The following BMPR2 variants were observed in gnomAD, a reference collection of about 807,000 sequenced individuals.
BMPR2 encodes bone morphogenetic protein receptor type 2.
BMPR2 carries 29 observed loss-of-function variants against 100.8 expected under a neutral mutation model. That is an observed-to-expected ratio of 0.29 (90% confidence interval 0.21 to 0.39). The LOEUF (loss-of-function observed/expected upper bound fraction) is 0.39, where lower values mean the gene tolerates loss of function less well. Among genes scored for constraint, BMPR2 ranks in the 10% least tolerant of loss-of-function variants. The probability of loss-of-function intolerance (pLI) is 1.00; values close to 1 mark genes in which losing one functional copy is unlikely to be tolerated. For synonymous variants in BMPR2, 382 were observed against 442.3 expected (o/e 0.86, Z 1.71); for missense variants, 1,011 against 1,274.5 (o/e 0.79, Z 3.15).
At chr2:202,411,539 G>T (rs2105917299) in intron 1 of BMPR2, among the ~76,000 whole-genome samples, 1 of 152,296 alleles carries the variant, frequency 6.6e-6, no homozygotes, top group East Asian at 1.9e-4. Flanking sequence ...TGGCCTGTTT[G>T]TTGGAAAACT....
At chr2:202,400,308 A>ATTT (rs35517349) in intron 1 of BMPR2, among the ~76,000 whole-genome samples, 2 of 130,552 alleles carry the variant, frequency 1.5e-5, no homozygotes, top group Admixed American at 1.6e-4. Context: ...TGCCAAGCTA[A>ATTT]TTTTTTTTTT....
At chr2:202,386,743 C>G (rs543767439) in intron 1 of BMPR2, among the ~76,000 whole-genome samples, 1 of 151,742 alleles carries the variant, frequency 6.6e-6, no homozygotes, top group East Asian at 1.9e-4. Flanking sequence ...TACAGTGGCG[C>G]GATCTCGGCT....
At chr2:202,519,188 T>A in intron 6 of BMPR2, 136 bp downstream of exon 6, 1 of 866,622 alleles carries the variant, frequency 1.2e-6, no homozygotes, top group East Asian at 2.6e-5. Flanking sequence ...ATGGCAAAAC[T>A]CCCGTCTCTA....
chr2:202,412,379 C>T (rs532809099), intron 1 of BMPR2, among the ~76,000 whole-genome samples: 8 of 152,236 alleles, frequency 5.3e-5, no homozygotes, highest in East Asian at 1.9e-4. Flanking sequence ...AGTGCAGTGG[C>T]GCAATCTCGG....
intron 1 of BMPR2, among the ~76,000 whole-genome samples, chr2:202,443,245 A>G (rs1236134176): frequency 6.6e-6 from 1 of 150,746 alleles, no homozygotes; most frequent in East Asian, 1.9e-4. Context: ...GACTAATATA[A>G]TGGCTGTGTG....
chr2:202,552,226 G>A (rs548275984), intron 10 of BMPR2, among the ~76,000 whole-genome samples: 1 of 152,250 alleles, frequency 6.6e-6, no homozygotes, highest in South Asian at 2.1e-4. Flanking sequence ...CTAACCTCAG[G>A]TGATCTTCCT....
intron 7 of BMPR2, among the ~76,000 whole-genome samples, chr2:202,525,489 A>C (rs896808579): frequency 2.0e-5 from 3 of 151,932 alleles, no homozygotes; most frequent in Admixed American, 6.6e-5. Context: ...GAGCCAGCGC[A>C]CCTGGCTGGC....
chr2:202,539,111 A>G (rs1688223138), intron 9 of BMPR2, among the ~76,000 whole-genome samples: 1 of 152,162 alleles, frequency 6.6e-6, no homozygotes, highest in East Asian at 1.9e-4. Context: ...ATGATCAGAA[A>G]AGTAGTGAGA....
intron 1 of BMPR2, among the ~76,000 whole-genome samples, chr2:202,424,469 G>A (rs1301904119): frequency 2.6e-5 from 4 of 151,710 alleles, no homozygotes; most frequent in Admixed American, 6.6e-5. Flanking sequence ...AGGCTGAGGC[G>A]GGTGGATCAC....
At chr2:202,519,080 G>T in intron 6 of BMPR2, 28 bp downstream of exon 6, 1 of 1,606,316 alleles carries the variant, frequency 6.2e-7, no homozygotes, top group Non-Finnish European at 8.5e-7. Flanking sequence ...AATAAACTGA[G>T]GCCAGGTGTG....
At chr2:202,528,547 T>G (rs1376661235) in intron 7 of BMPR2, among the ~76,000 whole-genome samples, 1 of 152,240 alleles carries the variant, frequency 6.6e-6, no homozygotes, top group African/African-American at 2.4e-5. Flanking sequence ...GTTAGAAATA[T>G]TGTAAGTTGA....
Position 202,555,899 on chromosome 2 carries a change from T to C in BMPR2, c.2234T>C (p.Leu745Pro), listed in dbSNP as rs1688560714. 6.2e-7 allele frequency: 1 copy of C among 1,614,028 alleles called. No individual in the cohort carries two copies. Among genetic ancestry groups the C allele is most frequent in the Non-Finnish European group, 8.5e-7 (1 of 1,180,022 alleles). The change falls in exon 12 of 13, where the codon CTC becomes CCC. Residue 745 changes from leucine (L) to proline (P), a missense_variant. Around this residue, in one of 6 missense-constraint regions of BMPR2, gnomAD observed 508 missense variants for 552.0 expected, o/e 0.92. Coordinates refer to ENST00000374580, the MANE Select transcript of BMPR2 (RefSeq NM_001204.7). ...GTTCTGCCTACTCAGATCTATCCTC[T>C]CCCCAAGCAGCAGAACCTTCCCAAG... ...PDVLPTQIYPLPKQQNLPKRP... is the reference protein window; with the variant it reads ...PDVLPTQIYPPPKQQNLPKRP...
At chr2:202,471,916 G>GTA (rs767264346) in intron 3 of BMPR2, among the ~76,000 whole-genome samples, 2 of 134,034 alleles carry the variant, frequency 1.5e-5, no homozygotes, top group Non-Finnish European at 3.4e-5. Flanking sequence ...AAAAGATTGT[G>GTA]TGTGTGTGTG....
intron 3 of BMPR2, among the ~76,000 whole-genome samples, chr2:202,493,577 A>G (rs975660916): frequency 6.6e-6 from 1 of 152,232 alleles, no homozygotes; most frequent in African/African-American, 2.4e-5. Context: ...ATCAAATATA[A>G]TTAACTGTTT....
intron 1 of BMPR2, among the ~76,000 whole-genome samples, chr2:202,381,147 GTATTTTTA>G (rs1690283953): frequency 6.6e-6 from 1 of 151,474 alleles, no homozygotes; most frequent in African/African-American, 2.4e-5. Context: ...GCTAATTTTT[GTATTTTTA>G]GTAGAGACGT....
At chr2:202,535,204 C>G (rs1442956975) in intron 9 of BMPR2, among the ~76,000 whole-genome samples, 2 of 151,612 alleles carry the variant, frequency 1.3e-5, no homozygotes, top group South Asian at 2.1e-4. Context: ...ACCTCCCTCC[C>G]GGACGGGGTG....
chr2:202,457,567 G>T (rs768609200), intron 1 of BMPR2, among the ~76,000 whole-genome samples: 14,225 of 102,748 alleles, frequency 0.14, 791 homozygotes, highest in Non-Finnish European at 0.18. Context: ...TATATAGAGA[G>T]AGAGAGAGAG....
chr2:202,467,574 AACT>A lies in BMPR2; in HGVS notation c.306_308del (p.Thr104del), dbSNP rs750321249. ...AGTGTCACTATGAAGAATGTGTAGTAACTACCACTCCTCCCTCAATTCAGAATG... is the reference window on the plus strand; with the variant it reads ...AGTGTCACTATGAAGAATGTGTAGTAACCACTCCTCCCTCAATTCAGAATG... On this transcript the variant is annotated inframe_deletion, in exon 3 of 13. Coordinates refer to ENST00000374580, the MANE Select transcript of BMPR2 (RefSeq NM_001204.7). 1.3e-6 allele frequency: 2 copies of A among 1,577,538 alleles called. No homozygotes were observed. The highest frequency in any genetic ancestry group is 4.5e-5 in the East Asian group (2 of 44,680).
At chr2:202,426,495 G>A (rs1691387464) in intron 1 of BMPR2, among the ~76,000 whole-genome samples, 1 of 150,560 alleles carries the variant, frequency 6.6e-6, no homozygotes, top group Non-Finnish European at 1.5e-5. Context: ...CTTGAACCTG[G>A]GAGGTGGAGG....
Sources: allele counts gnomAD v4.1 joint callset (sites outside exome capture counted in the v4.1 genomes callset), GRCh38; gene constraint gnomAD v4.1.1; regional missense constraint gnomAD v4.1.1; transcripts MANE v1.5; gene names NCBI Gene and HGNC (gene_info 2026-07-23, HGNC 2026-07-21).